Variants in SMOC2 observed in about 807,000 individuals in gnomAD.
The protein encoded by SMOC2 is SPARC-related modular calcium-binding protein 2.
In SMOC2, 39 loss-of-function variants were observed where a neutral mutation model predicts 61.4. That is an observed-to-expected ratio of 0.64 (90% CI 0.49 to 0.83). The LOEUF (loss-of-function observed/expected upper bound fraction) is 0.83, where lower values mean the gene tolerates loss of function less well. Among genes scored for constraint, SMOC2 ranks in the 40% least tolerant of loss-of-function variants. The pLI, the probability that SMOC2 is intolerant of heterozygous loss-of-function variation, is 0.00. For synonymous variants in SMOC2, 247 were observed against 239.9 expected (o/e 1.03, Z -0.27); for missense variants, 556 against 592.9 (o/e 0.94, Z 0.65).
chr6:168,483,546 A>G (rs994563943), intron 1 of SMOC2, among the ~76,000 whole-genome samples: 3 of 152,158 alleles, frequency 2.0e-5, no homozygotes, highest in Non-Finnish European at 4.4e-5. Context: ...ATACAGATTT[A>G]ACTCAATCCC....
rs149920063 is a variant in SMOC2 at position 168,461,582 on chromosome 6, G to A, written c.84+20128G>A. Among the ~76,000 whole-genome samples, 334 of 152,040 alleles carry A rather than the reference G, an allele frequency of 2.2e-3. 6 individuals carry two copies. In the East Asian group the frequency reaches 0.051, roughly 23 times the overall value. On this transcript the variant is annotated intron_variant, in intron 1 of 12. Coordinates refer to ENST00000356284, the MANE Select transcript of SMOC2 (RefSeq NM_001166412.2). ...TCATGTTGATTTTCTTAATTTTTTC[G>A]TTTAATATTTAGTAAGAGTCTGATA... is the stretch of plus-strand genomic sequence containing the variant.
chr6:168,473,446 C>G (rs1025224477), intron 1 of SMOC2, among the ~76,000 whole-genome samples: 4 of 152,160 alleles, frequency 2.6e-5, no homozygotes, highest in African/African-American at 9.6e-5. Flanking sequence ...ACCTGTGTGC[C>G]CTGCGGTGAG....
chr6:168,543,404 G>A (rs993624800), intron 4 of SMOC2, among the ~76,000 whole-genome samples: 1 of 152,074 alleles, frequency 6.6e-6, no homozygotes, highest in African/African-American at 2.4e-5. Context: ...ACCCCTTAGC[G>A]CCAGAAGCAG....
rs546703589 is a variant in SMOC2, at chr6:168,598,343, C to T, written c.638-475C>T. 3.2e-3 allele frequency among the ~76,000 whole-genome samples: 491 copies of T among 152,306 alleles called. 5 individuals carry two copies. Among genetic ancestry groups the T allele is most frequent in the Non-Finnish European group, 1.0e-3 (71 of 68,014 alleles). ...GTTGAGAATGAGGAGAGAGGGGTCA[C>T]ACAGGGAGCCTCGGAGTCTAAACAC... On this transcript the variant is annotated intron_variant, in intron 7 of 12. Transcript: ENST00000356284.
intron 2 of SMOC2, among the ~76,000 whole-genome samples, chr6:168,517,893 ACT>A (rs1343599594): frequency 3.3e-5 from 5 of 151,882 alleles, no homozygotes; most frequent in Admixed American, 2.0e-4. Flanking sequence ...CCAGCTCCAG[ACT>A]CTCAGGGCTA....
chr6:168,565,386 G>A (rs562109970), intron 7 of SMOC2, among the ~76,000 whole-genome samples: 66 of 152,210 alleles, frequency 4.3e-4, no homozygotes, highest in Non-Finnish European at 7.5e-4. Context: ...TCTTCTCTCC[G>A]TGGTCTTCCC....
intron 11 of SMOC2, among the ~76,000 whole-genome samples, 153 bp downstream of exon 11, chr6:168,653,381 A>C (rs1211487046): frequency 2.6e-5 from 4 of 152,234 alleles, no homozygotes; most frequent in Non-Finnish European, 5.9e-5. Context: ...TGTTTGCAGA[A>C]ATAATAATGA....
intron 8 of SMOC2, among the ~76,000 whole-genome samples, chr6:168,599,958 T>A (rs951942276): frequency 6.9e-6 from 1 of 145,182 alleles, no homozygotes; most frequent in Non-Finnish European, 1.5e-5. Context: ...ACATCCACAC[T>A]CACACACACA....
intron 9 of SMOC2, among the ~76,000 whole-genome samples, chr6:168,625,522 G>T (rs1006107219): frequency 6.6e-6 from 1 of 152,182 alleles, no homozygotes; most frequent in Non-Finnish European, 1.5e-5. Flanking sequence ...ATTTGCTTTT[G>T]GTGGTTTTCT....
At chr6:168,599,463 C>CCACT (rs1554247780) in intron 8 of SMOC2, among the ~76,000 whole-genome samples, 34 of 120,450 alleles carry the variant, frequency 2.8e-4, no homozygotes, top group African/African-American at 1.1e-3. Context: ...CCCCACACAC[C>CCACT]CACTCACACC....
chr6:168,575,265 T>A (rs1266949527), intron 7 of SMOC2, among the ~76,000 whole-genome samples: 1 of 152,226 alleles, frequency 6.6e-6, no homozygotes, highest in Non-Finnish European at 1.5e-5. Flanking sequence ...CAGTAGGTTA[T>A]AAAGTGAGCA....
chr6:168,564,460 C>T (rs557557364), intron 7 of SMOC2, among the ~76,000 whole-genome samples: 26 of 152,166 alleles, frequency 1.7e-4, no homozygotes, highest in African/African-American at 5.5e-4. Context: ...TTGTCTTTAA[C>T]TTGTATGTAT....
At chr6:168,646,183 A>T (rs988869908) in intron 9 of SMOC2, among the ~76,000 whole-genome samples, 1 of 152,158 alleles carries the variant, frequency 6.6e-6, no homozygotes, top group Non-Finnish European at 1.5e-5. Context: ...TAATAATGTT[A>T]CTTGCGTGTG....
chr6:168,517,351 T>TTCC (rs1157495384), intron 2 of SMOC2, among the ~76,000 whole-genome samples: 11 of 152,076 alleles, frequency 7.2e-5, no homozygotes. Flanking sequence ...CCAGGCCTTC[T>TTCC]CAAGCCGCCT....
At chr6:168,538,963 T>C (rs577899930) in intron 4 of SMOC2, among the ~76,000 whole-genome samples, 24 of 152,184 alleles carry the variant, frequency 1.6e-4, no homozygotes, top group Non-Finnish European at 1.5e-4. Context: ...TTTTCTGTTG[T>C]CCCATCCCAG....
At chr6:168,638,846 A>G (rs1172506665) in intron 9 of SMOC2, among the ~76,000 whole-genome samples, 1 of 152,184 alleles carries the variant, frequency 6.6e-6, no homozygotes, top group South Asian at 2.1e-4. Flanking sequence ...AAGAATTCAT[A>G]GTTAGACAGA....
intron 7 of SMOC2, among the ~76,000 whole-genome samples, chr6:168,563,418 TACAC>T (rs1301483717): frequency 6.6e-6 from 1 of 152,144 alleles, no homozygotes. Context: ...CATATATATA[TACAC>T]ACACACGTAC....
At chr6:168,590,708 T>A (rs1785160379) in intron 7 of SMOC2, among the ~76,000 whole-genome samples, 1 of 152,244 alleles carries the variant, frequency 6.6e-6, no homozygotes. Context: ...GCTTTAGGCG[T>A]CGTCATACTG....
chr6:168,448,826 T>G (rs1781395355), intron 1 of SMOC2, among the ~76,000 whole-genome samples: 1 of 152,224 alleles, frequency 6.6e-6, no homozygotes, highest in Non-Finnish European at 1.5e-5. Flanking sequence ...GTGAGTAGAC[T>G]AATAATTCTA....
Sources: allele counts gnomAD v4.1 joint callset (sites outside exome capture counted in the v4.1 genomes callset), GRCh38; gene constraint gnomAD v4.1.1; transcripts MANE v1.5; gene names NCBI Gene and HGNC (gene_info 2026-07-23, HGNC 2026-07-21).